Variants in RASGEF1A observed in about 807,000 individuals in gnomAD.
RASGEF1A encodes RasGEF domain family member 1A, also known as ras-GEF domain-containing family member 1A.
Under a neutral mutation model 56.4 loss-of-function variants are expected in RASGEF1A, and 18 were observed. That is an observed-to-expected ratio of 0.32 (90% CI 0.22 to 0.47). The LOEUF is 0.47. RASGEF1A is among the 20% of genes least tolerant of loss of function. The pLI is 1.00. For missense variants in RASGEF1A, 422 were observed against 627.1 expected, an observed-to-expected ratio of 0.67 and a Z score of 3.49; for synonymous variants, 245 against 242.6, an observed-to-expected ratio of 1.01 and a Z score of -0.09.
intron 1 of RASGEF1A, among the ~76,000 whole-genome samples, chr10:43,252,833 G>C (rs946403555): frequency 6.6e-6 from 1 of 151,936 alleles, no homozygotes. Context: ...CAGCACCCGA[G>C]AGAGGACCCT....
chr10:43,199,342 G>A (rs1204391014), intron 7 of RASGEF1A, 148 bp from the exon 8 acceptor site: 14 of 685,742 alleles, frequency 2.0e-5, no homozygotes, highest in Non-Finnish European at 3.6e-5. Flanking sequence ...CTGCGTCTGG[G>A]AGGTCCAGAC....
At chr10:43,209,316 C>A in intron 1 of RASGEF1A, 3 of 674,732 alleles carry the variant, frequency 4.4e-6, no homozygotes, top group South Asian at 1.3e-4. Context: ...GGGGTGAGTA[C>A]CTGCCCCAGG....
At chr10:43,260,846 C>T (rs977121246) in intron 1 of RASGEF1A, among the ~76,000 whole-genome samples, 1 of 152,224 alleles carries the variant, frequency 6.6e-6, no homozygotes, top group African/African-American at 2.4e-5. Flanking sequence ...TTTCTTTGAC[C>T]CATCATTCAA....
rs1395745975 is a variant in RASGEF1A, at chr10:43,196,436, C to T, written c.1421+40G>A. The T allele has an allele frequency of 2.5e-6, 4 of 1,601,310 alleles. No individual in the cohort carries two copies. The highest frequency in any genetic ancestry group is 1.3e-5 in the African/African-American group (1 of 74,730). On this transcript the variant is annotated intron_variant, in intron 12 of 12. Transcript: ENST00000395810. The surrounding 1 kb of genome is among the most constrained non-coding windows in gnomAD (Gnocchi z 4.6). ...CCCTCGTGCCCACCCTGAGTCCTCC[C>T]TCTTCCTTACAGACTCCCATGTTCC...
intron 1 of RASGEF1A, among the ~76,000 whole-genome samples, chr10:43,251,198 C>T (rs564830310): frequency 1.7e-3 from 261 of 152,344 alleles, no homozygotes; most frequent in Admixed American, 5.7e-3. Context: ...CTCTGAGACT[C>T]AGTTTTCCTT....
chr10:43,207,208 AGGT>A, intron 1 of RASGEF1A: 6 of 985,532 alleles, frequency 6.1e-6, no homozygotes, highest in Non-Finnish European at 7.2e-6. Context: ...AAGGCAGCAC[AGGT>A]GCCAGCGGCT....
At chr10:43,198,889 G>A (rs779750117) in intron 9 of RASGEF1A, 44 bp downstream of exon 9, 17 of 1,575,856 alleles carry the variant, frequency 1.1e-5, no homozygotes, top group South Asian at 5.6e-5. Flanking sequence ...ATTGCGGGAC[G>A]AAATGGGTGC....
At chr10:43,231,134 C>T (rs1840361112) in intron 1 of RASGEF1A, among the ~76,000 whole-genome samples, 2 of 152,254 alleles carry the variant, frequency 1.3e-5, no homozygotes, top group African/African-American at 4.8e-5. Flanking sequence ...CCAGCTTTCA[C>T]AATGTCCTCC....
chr10:43,224,879 T>C (rs1840252858), intron 1 of RASGEF1A, among the ~76,000 whole-genome samples: 1 of 152,240 alleles, frequency 6.6e-6, no homozygotes, highest in Non-Finnish European at 1.5e-5. Context: ...AAGGTATCAA[T>C]AATCAATTAC....
At chr10:43,208,252 G>A (rs546636854) in intron 1 of RASGEF1A, 73 of 985,476 alleles carry the variant, frequency 7.4e-5, no homozygotes, top group East Asian at 1.1e-4. Flanking sequence ...GGCATTTGCC[G>A]AGCCACTGGC....
intron 1 of RASGEF1A, among the ~76,000 whole-genome samples, chr10:43,257,104 T>A (rs537458472): frequency 6.6e-6 from 1 of 152,226 alleles, no homozygotes; most frequent in East Asian, 1.9e-4. Flanking sequence ...CTTTCCACTC[T>A]CCAATGGTTC....
intron 1 of RASGEF1A, among the ~76,000 whole-genome samples, chr10:43,226,313 T>G (rs901080527): frequency 5.3e-5 from 8 of 152,240 alleles, no homozygotes; most frequent in Non-Finnish European, 1.0e-4. Context: ...TGGTGGCACA[T>G]GCCTGTAATC....
rs185043161 is a variant in RASGEF1A at position 43,256,300 on chromosome 10, C to T, written c.-7+10545G>A. On this transcript the variant is annotated intron_variant, in intron 1 of 12. Coordinates refer to ENST00000395810, the MANE Select transcript of RASGEF1A (RefSeq NM_145313.4). The stretch of plus-strand genomic sequence containing the variant: ...ACCCAGAACACACAGCAGCCTGCAT[C>T]CAGGCAGCCAGTGCGGAGCTTGGTT... Among the ~76,000 whole-genome samples, 6 of 152,324 alleles carry T rather than the reference C, an allele frequency of 3.9e-5. No individual in the cohort carries two copies. In the East Asian group the frequency reaches 9.7e-4, roughly 25 times the overall value.
chr10:43,237,970 C>T (rs1332814569), intron 1 of RASGEF1A, among the ~76,000 whole-genome samples: 1 of 152,226 alleles, frequency 6.6e-6, no homozygotes, highest in Non-Finnish European at 1.5e-5. Flanking sequence ...CTGGGCTCAG[C>T]ACAGCCCACC....
At chr10:43,212,314 C>G (rs17158616) in intron 1 of RASGEF1A, among the ~76,000 whole-genome samples, 1 of 152,146 alleles carries the variant, frequency 6.6e-6, no homozygotes, top group Non-Finnish European at 1.5e-5. Flanking sequence ...CCAACATTTC[C>G]GTGAGCTCTG....
chr10:43,199,697 C>A lies in RASGEF1A; in HGVS notation c.828G>T (p.Leu276=), dbSNP rs139262265. Residue 276 remains leucine (L), a synonymous_variant, in exon 7 of 13, where the codon CTG becomes CTT. Transcript: ENST00000395810. ...YDNWFNCLSM[L]VATEVCRVVK... is the part of the protein sequence containing the mutation. ...TTACCCGGCACACCTCAGTGGCCAC[C>A]AGCATGCTCAGGCAGTTGAACCAGT... 3.1e-6 allele frequency: 5 copies of A among 1,613,512 alleles called. No individual in the cohort carries two copies. In the African/African-American group the frequency reaches 6.7e-5, roughly 22 times the overall value.
At chr10:43,203,873 G>A (rs910481301) in intron 2 of RASGEF1A, 13 of 782,296 alleles carry the variant, frequency 1.7e-5, no homozygotes, top group Non-Finnish European at 1.7e-5. Flanking sequence ...GGCCTGTCGG[G>A]AGCAGGGCTG....
chr10:43,201,624 C>T (rs1269247459), intron 4 of RASGEF1A, among the ~76,000 whole-genome samples, 184 bp downstream of exon 4: 1 of 152,182 alleles, frequency 6.6e-6, no homozygotes, highest in Non-Finnish European at 1.5e-5. Context: ...GACCCTGGCC[C>T]ACTGCTGGCC....
intron 3 of RASGEF1A, among the ~76,000 whole-genome samples, chr10:43,202,205 G>A (rs1203108080): frequency 6.6e-6 from 1 of 152,142 alleles, no homozygotes; most frequent in Admixed American, 6.5e-5. Flanking sequence ...CATCTCTAAG[G>A]TGACAAAAAA....
Sources: gnomAD v4.1 joint callset for allele counts (sites outside exome capture counted in the v4.1 genomes callset) on GRCh38, gnomAD v4.1.1 for gene constraint, Gnocchi (gnomAD v3.1) non-coding constraint, MANE v1.5 for transcripts, NCBI Gene and HGNC (gene_info 2026-07-23, HGNC 2026-07-21) for gene names.